ARHGEF38: variants seen among roughly 807,000 people sequenced by gnomAD.
The protein encoded by ARHGEF38 is Rho guanine nucleotide exchange factor 38.
Under a neutral mutation model 79.9 loss-of-function variants are expected in ARHGEF38, and 79 were observed. The ratio of observed to expected loss-of-function variants is 0.99; its 90% CI spans 0.82 to 1.19. ARHGEF38 has a LOEUF of 1.19. ARHGEF38 is among the 50% of genes most tolerant of loss of function. The pLI is 0.00. For missense variants in ARHGEF38, 962 were observed against 907.2 expected (o/e 1.06, Z -0.78); for synonymous variants, 366 against 328.3 (o/e 1.11, Z -1.24).
chr4:105,648,707 A>G, intron 7 of ARHGEF38, 25 bp downstream of exon 7: 1 of 1,490,262 alleles, frequency 6.7e-7, no homozygotes, highest in Non-Finnish European at 8.9e-7. Flanking sequence ...TGGACCACCC[A>G]CCTTTTCCCA....
intron 1 of ARHGEF38, chr4:105,570,272 C>T (rs981978192): frequency 1.3e-5 from 2 of 152,106 alleles, no homozygotes; most frequent in Non-Finnish European, 2.9e-5. Context: ...AGTGGTTGCT[C>T]TTATTATAGG....
At chr4:105,563,976 T>C (rs1017466474) in intron 1 of ARHGEF38, among the ~76,000 whole-genome samples, 2 of 152,228 alleles carry the variant, frequency 1.3e-5, no homozygotes, top group African/African-American at 4.8e-5. Flanking sequence ...CTGAATTATC[T>C]AGTCTTTGAA....
chr4:105,621,415 C>T (rs746890021), intron 3 of ARHGEF38, among the ~76,000 whole-genome samples: 8 of 152,254 alleles, frequency 5.3e-5, no homozygotes, highest in South Asian at 4.2e-4. Flanking sequence ...ATGCATAGTG[C>T]GCTGAGAATC....
At chr4:105,648,958 G>A (rs1009901137) in intron 7 of ARHGEF38, among the ~76,000 whole-genome samples, 7 of 151,854 alleles carry the variant, frequency 4.6e-5, no homozygotes, top group Non-Finnish European at 8.8e-5. Context: ...GAGAGACACG[G>A]ACATGGGACA....
chr4:105,608,669 G>A (rs1728157345), intron 2 of ARHGEF38, among the ~76,000 whole-genome samples: 1 of 151,574 alleles, frequency 6.6e-6, no homozygotes, highest in African/African-American at 2.4e-5. Flanking sequence ...ATAAATTATT[G>A]TTAACTATAG....
chr4:105,614,040 C>T (rs1236714429), intron 3 of ARHGEF38, among the ~76,000 whole-genome samples: 1 of 151,850 alleles, frequency 6.6e-6, no homozygotes, highest in African/African-American at 2.4e-5. Context: ...TTTTTACTGT[C>T]AATCAGATAT....
intron 2 of ARHGEF38, among the ~76,000 whole-genome samples, chr4:105,603,298 T>C (rs59428412): frequency 0.26 from 39,779 of 151,888 alleles, 5,888 homozygotes; most frequent in African/African-American, 0.4. Context: ...AACAAAGAGG[T>C]TAAGTAACTT....
Position 105,679,705 on chromosome 4 carries a change from A to G in ARHGEF38, c.*1768A>G. The stretch of plus-strand genomic sequence containing the variant: ...TGTAGAAGGAACACCTACACATTTA[A>G]AAGTAATTTGTGTTTTTTGTTCCAC... On this transcript the variant is annotated 3_prime_UTR_variant, in exon 14 of 14. Transcript: ENST00000420470. The G allele has an allele frequency of 1.2e-6, 1 of 801,724 alleles. No homozygotes were observed. The highest frequency in any genetic ancestry group is 2.2e-6 in the Non-Finnish European group (1 of 446,142). The allele number at this position is 801,724 out of a possible 1,614,324, so 49.7% of individuals were successfully genotyped here. A position where few individuals can be genotyped will look rare whatever the true frequency, so the allele number is the denominator to read the frequency against.
intron 1 of ARHGEF38, among the ~76,000 whole-genome samples, chr4:105,574,726 A>T (rs1262958492): frequency 6.6e-6 from 1 of 152,026 alleles, no homozygotes; most frequent in African/African-American, 2.4e-5. Flanking sequence ...GGATTAAAAA[A>T]ATTTTTTATT....
In ARHGEF38 at chr4:105,660,819, T is replaced by A. The variant is rs554849612; in HGVS notation, c.1545+1454T>A. 1.4e-4 allele frequency among the ~76,000 whole-genome samples: 22 copies of A among 152,368 alleles called. No homozygotes were observed. In the South Asian group the frequency reaches 2.7e-3, roughly 19 times the overall value. ...ATAATGTATAACCATTCCCTTTTTT[T>A]AAAATAACTTTATTGTGATATAATT... On this transcript the variant is annotated intron_variant, in intron 10 of 13. Coordinates refer to ENST00000420470, the MANE Select transcript of ARHGEF38 (RefSeq NM_001242729.2).
intron 3 of ARHGEF38, among the ~76,000 whole-genome samples, chr4:105,626,943 C>T (rs926466845): frequency 6.6e-6 from 1 of 151,738 alleles, no homozygotes; most frequent in Non-Finnish European, 1.5e-5. Flanking sequence ...TATCTCCTTG[C>T]TTTTTGCACT....
chr4:105,561,969 G>T (rs1025065080), intron 1 of ARHGEF38, among the ~76,000 whole-genome samples: 2 of 152,090 alleles, frequency 1.3e-5, no homozygotes, highest in African/African-American at 4.8e-5. Context: ...GGAAGATAAG[G>T]GTTATTTTTG....
chr4:105,661,834 G>C (rs186402126), intron 10 of ARHGEF38, among the ~76,000 whole-genome samples: 1 of 152,060 alleles, frequency 6.6e-6, no homozygotes, highest in Non-Finnish European at 1.5e-5. Flanking sequence ...CATATAAATG[G>C]AATCATACAA....
chr4:105,656,623 G>A (rs959351090), intron 9 of ARHGEF38, among the ~76,000 whole-genome samples: 21 of 152,234 alleles, frequency 1.4e-4, no homozygotes, highest in African/African-American at 4.3e-4. Flanking sequence ...TTTCATAGTA[G>A]TATTTCAAGA....
intron 9 of ARHGEF38, among the ~76,000 whole-genome samples, chr4:105,657,608 T>TAA (rs1443428834): frequency 3.9e-5 from 6 of 152,202 alleles, no homozygotes; most frequent in African/African-American, 1.2e-4. Flanking sequence ...TATATATATA[T>TAA]AATACTGTAA....
intron 10 of ARHGEF38, among the ~76,000 whole-genome samples, chr4:105,661,096 T>C (rs1003109824): frequency 2.0e-5 from 3 of 152,148 alleles, no homozygotes; most frequent in Non-Finnish European, 4.4e-5. Context: ...TGGTTATTTG[T>C]GACTGGCTTC....
At chr4:105,572,179 G>A (rs1439724652) in intron 1 of ARHGEF38, among the ~76,000 whole-genome samples, 1 of 18,756 alleles carries the variant, frequency 5.3e-5, no homozygotes, top group Non-Finnish European at 1.0e-4. Context: ...AAATTGCCTT[G>A]CACTCCAAAT....
intron 1 of ARHGEF38, among the ~76,000 whole-genome samples, chr4:105,557,386 C>G (rs995041941): frequency 2.0e-5 from 3 of 152,008 alleles, no homozygotes; most frequent in South Asian, 4.1e-4. Flanking sequence ...AGTTTACTAA[C>G]ATTCAGGAGT....
At chr4:105,631,548 T>C in intron 4 of ARHGEF38, 2 of 985,458 alleles carry the variant, frequency 2.0e-6, no homozygotes, top group South Asian at 4.7e-5. Flanking sequence ...CATGCCTTCC[T>C]TTCTCATCCC....
Sources: gnomAD v4.1 joint callset for allele counts (sites outside exome capture counted in the v4.1 genomes callset) on GRCh38, gnomAD v4.1.1 for gene constraint, MANE v1.5 for transcripts, NCBI Gene and HGNC (gene_info 2026-07-23, HGNC 2026-07-21) for gene names.